Variants in DNAH7 observed in about 807,000 individuals in gnomAD.
DNAH7 encodes dynein axonemal heavy chain 7.
DNAH7 carries 397 observed loss-of-function variants against 444.6 expected under a neutral mutation model. The observed-to-expected ratio is 0.89, with a 90% CI of 0.82 to 0.97. DNAH7 has a LOEUF of 0.97. Ranked by LOEUF, DNAH7 falls within the 50% of genes least tolerant of loss-of-function variation. The probability of loss-of-function intolerance (pLI) is 0.00; values close to 1 mark genes in which losing one functional copy is unlikely to be tolerated. For missense variants in DNAH7, 4,902 were observed against 4,800.8 expected (o/e 1.02, Z -0.62); for synonymous variants, 1,636 against 1,624.4 (o/e 1.01, Z -0.17).
chr2:195,742,909 C>T (rs1693129481), intron 63 of DNAH7, among the ~76,000 whole-genome samples: 1 of 152,100 alleles, frequency 6.6e-6, no homozygotes, highest in Non-Finnish European at 1.5e-5. Flanking sequence ...AAATATTATT[C>T]CTGGGTGTGT....
Position 195,895,097 on chromosome 2 carries a change from ATCT to A in DNAH7, c.4772_4774del (p.Lys1591del). 6.2e-7 allele frequency: 1 copy of A among 1,613,770 alleles called. No individual in the cohort carries two copies. Among genetic ancestry groups the A allele is most frequent in the African/African-American group, 1.3e-5 (1 of 75,054 alleles). Reference sequence around the variant, plus strand: ...AATCATCATTTCATATACTTGAAGAATCTTCTCGGAAAAGAATGCAGTCATTTG... The same window carrying A: ...AATCATCATTTCATATACTTGAAGAATCTCGGAAAAGAATGCAGTCATTTG... On this transcript the variant is annotated inframe_deletion, in exon 30 of 65. Coordinates refer to ENST00000312428, the MANE Select transcript of DNAH7 (RefSeq NM_018897.3).
chr2:196,027,818 G>A (rs1695784609), intron 6 of DNAH7, 142 bp downstream of exon 6: 1 of 616,930 alleles, frequency 1.6e-6, no homozygotes, highest in African/African-American at 1.9e-5. Context: ...ATCCCATGGT[G>A]CCTTTTTATA....
At chr2:196,046,223 C>A (rs919665419) in intron 5 of DNAH7, among the ~76,000 whole-genome samples, 1 of 152,156 alleles carries the variant, frequency 6.6e-6, no homozygotes, top group Non-Finnish European at 1.5e-5. Flanking sequence ...TACGGCTGCC[C>A]TTATGGGGGC....
At chr2:195,805,093 G>C in intron 54 of DNAH7, among the ~76,000 whole-genome samples, 1 of 152,124 alleles carries the variant, frequency 6.6e-6, no homozygotes, top group Non-Finnish European at 1.5e-5. Flanking sequence ...AGTGAACGTA[G>C]AAAGAGATAT....
Position 195,817,726 on chromosome 2 carries a change from G to A in DNAH7, c.9395C>T (p.Ala3132Val). 6.2e-7 allele frequency: 1 copy of A among 1,611,108 alleles called. No individual in the cohort carries two copies. Among genetic ancestry groups the A allele is most frequent in the Non-Finnish European group, 8.5e-7 (1 of 1,179,110 alleles). ...ATTTTCAGCTCCTTGTAATATCAAG[G>A]CTTGCTTTTCTTCTTCAAGGTCTGG... ...ERPDLEEEKQ[A>V]LILQGAENKR... The change falls in exon 50 of 65, where the codon GCC becomes GTC. Residue 3132 changes from alanine to valine, a missense_variant. By Grantham distance (64) the Ala-to-Val change is moderately conservative. Transcript: ENST00000312428.
intron 55 of DNAH7, 81 bp from the exon 56 acceptor site, chr2:195,796,818 G>T (rs1186424010): frequency 7.0e-7 from 1 of 1,436,102 alleles, no homozygotes; most frequent in South Asian, 1.4e-5. Context: ...AGTTAACATT[G>T]ACTATATTAC....
chr2:196,024,539 T>G (rs1251317626), intron 7 of DNAH7, 35 bp from the exon 8 acceptor site: 2 of 1,263,636 alleles, frequency 1.6e-6, no homozygotes, highest in African/African-American at 1.5e-5. Context: ...ATAAATAACC[T>G]TATATTAACT....
intron 15 of DNAH7, among the ~76,000 whole-genome samples, chr2:195,981,409 A>AC (rs1328984003): frequency 6.6e-6 from 1 of 151,972 alleles, no homozygotes; most frequent in Non-Finnish European, 1.5e-5. Context: ...TGTCCATACT[A>AC]CCCCAAAAAG....
chr2:195,839,056 CAAT>C (rs1698536030), intron 47 of DNAH7, among the ~76,000 whole-genome samples: 1 of 151,546 alleles, frequency 6.6e-6, no homozygotes, highest in African/African-American at 2.4e-5. Context: ...GCCATTCACT[CAAT>C]AATAGCAGGA....
intron 57 of DNAH7, among the ~76,000 whole-genome samples, chr2:195,788,322 A>C (rs1695724732): frequency 6.6e-6 from 1 of 152,252 alleles, no homozygotes. Context: ...CCCCAAGGGC[A>C]GGAAGGCCAC....
rs551365688 is a variant in DNAH7, at chr2:195,762,239, A to T, written c.11434-5954T>A. 3.3e-5 allele frequency among the ~76,000 whole-genome samples: 5 copies of T among 152,320 alleles called. No individual in the cohort carries two copies. The East Asian group carries it at 5.8e-4, about 18-fold the overall frequency. The stretch of plus-strand genomic sequence containing the variant: ...TCATGGTAACCTCAAATCAAAAAAC[A>T]TATAATAAATACACAAAAAGTAAAA... On this transcript the variant is annotated intron_variant, in intron 61 of 64. Transcript: ENST00000312428.
chr2:195,990,227 T>C (rs1388852191), intron 12 of DNAH7, among the ~76,000 whole-genome samples: 1 of 152,218 alleles, frequency 6.6e-6, no homozygotes, highest in East Asian at 1.9e-4. Flanking sequence ...TTTAAATCTT[T>C]AATCCGCTTT....
intron 63 of DNAH7, 103 bp from the exon 64 acceptor site, chr2:195,740,972 G>T: frequency 2.0e-6 from 1 of 505,510 alleles, no homozygotes; most frequent in Non-Finnish European, 3.2e-6. Flanking sequence ...GGTGATACTA[G>T]ATTTGCAGCC....
chr2:195,889,039 C>A lies in DNAH7; in HGVS notation c.5047-58G>T, dbSNP rs1701865164. 5.5e-6 allele frequency: 8 copies of A among 1,461,952 alleles called. No individual in the cohort carries two copies. In the Admixed American group the frequency reaches 1.3e-4, roughly 23 times the overall value. 90.6% of individuals were successfully genotyped at this position (1,461,952 alleles called of 1,614,324 possible). A position where few individuals can be genotyped will look rare whatever the true frequency, so the allele number is the denominator to read the frequency against. ...ACGTAATGATGATAATATAAAGAAA[C>A]AGTTCAATAATATTATTTCAAAATT... is the stretch of plus-strand genomic sequence containing the variant. On this transcript the variant is annotated intron_variant, in intron 31 of 64. Transcript: ENST00000312428.
intron 12 of DNAH7, among the ~76,000 whole-genome samples, chr2:195,993,849 A>T (rs1367068179): frequency 6.6e-6 from 1 of 152,252 alleles, no homozygotes; most frequent in Non-Finnish European, 1.5e-5. Flanking sequence ...AATGCTATTA[A>T]GGAAGATCAT....
At chr2:196,022,211 T>C (rs1040351621) in intron 8 of DNAH7, among the ~76,000 whole-genome samples, 2 of 152,196 alleles carry the variant, frequency 1.3e-5, no homozygotes, top group African/African-American at 2.4e-5. Context: ...TTGCGAGTCA[T>C]AATCTTTTTG....
intron 23 of DNAH7, among the ~76,000 whole-genome samples, chr2:195,922,974 C>G (rs1267850808): frequency 6.6e-6 from 1 of 152,010 alleles, no homozygotes; most frequent in African/African-American, 2.4e-5. Flanking sequence ...GCAATTCTCC[C>G]ACCTCAGTCC....
At chr2:195,825,576 AT>A (rs983501342) in intron 48 of DNAH7, among the ~76,000 whole-genome samples, 1 of 152,220 alleles carries the variant, frequency 6.6e-6, no homozygotes, top group African/African-American at 2.4e-5. Context: ...CAAACACTGT[AT>A]TAAAAAAAAC....
chr2:195,796,715 C>T lies in DNAH7; in HGVS notation c.10376G>A (p.Ser3459Asn), dbSNP rs370029723. Residue 3459 changes from serine to asparagine, a missense_variant, in exon 56 of 65, where the codon AGC (serine) becomes AAC (asparagine). Coordinates refer to ENST00000312428, the MANE Select transcript of DNAH7 (RefSeq NM_018897.3). ...TTGGCCTTGACCAAGAGATAAAGAG[C>T]TAAGTTTTGATCCCCCATATCCCTG... ...DDQGYGGSKL[S>N]SLSLGQGQGP... The T allele has an allele frequency of 2.6e-5, 42 of 1,613,968 alleles. No homozygotes were observed. The highest frequency in any genetic ancestry group is 4.0e-5 in the African/African-American group (3 of 74,940).
Sources: gnomAD v4.1 joint callset for allele counts (sites outside exome capture counted in the v4.1 genomes callset) on GRCh38, gnomAD v4.1.1 for gene constraint, MANE v1.5 for transcripts, NCBI Gene and HGNC (gene_info 2026-07-23, HGNC 2026-07-21) for gene names.